PAFAH1B2: variants seen among roughly 807,000 people sequenced by gnomAD.
PAFAH1B2 encodes the protein platelet activating factor acetylhydrolase 1b catalytic subunit 2.
PAFAH1B2 carries 8 observed loss-of-function variants against 28.0 expected under a neutral mutation model. That is an observed-to-expected ratio of 0.29 (90% CI 0.17 to 0.52). The LOEUF (loss-of-function observed/expected upper bound fraction) is 0.52, where lower values mean the gene tolerates loss of function less well. PAFAH1B2 is among the 20% of genes least tolerant of loss of function. The pLI is 0.97. For synonymous variants in PAFAH1B2, 104 were observed against 103.2 expected (o/e 1.01, Z -0.05); for missense variants, 190 against 282.6 (o/e 0.67, Z 2.35).
At chr11:117,171,691 TC>T, downstream of PAFAH1B2, 1 of 1,535,592 alleles carries the variant, frequency 6.5e-7, no homozygotes, top group Non-Finnish European at 8.7e-7. Flanking sequence ...GGTTAACTGG[TC>T]GATCGGGACC....
downstream of PAFAH1B2, among the ~76,000 whole-genome samples, chr11:117,172,404 ATTTTT>A (rs375747711): frequency 0.011 from 97 of 8,554 alleles, no homozygotes; most frequent in East Asian, 0.028. Flanking sequence ...ATATATATAT[ATTTTT>A]TTTTTTTTTT....
At chr11:117,172,849 G>A (rs574530613), downstream of PAFAH1B2, among the ~76,000 whole-genome samples, 5 of 152,238 alleles carry the variant, frequency 3.3e-5, no homozygotes, top group African/African-American at 7.2e-5. Flanking sequence ...AATTACAGGC[G>A]TGTACCACCA....
At chr11:117,152,037 A>G (rs571622313) in intron 1 of PAFAH1B2, among the ~76,000 whole-genome samples, 1 of 152,300 alleles carries the variant, frequency 6.6e-6, no homozygotes, top group Non-Finnish European at 1.5e-5. Flanking sequence ...AACAGTAGTA[A>G]GTGTGTAACT....
rs1490691329 is a variant in PAFAH1B2, at chr11:117,149,440, T to TTTTTTTTTTTTTTTTTTG, written c.-7-2997_-7-2996insTTTTTTTTTTTTTGTTTT. ...AAAAGTTTTCTAATCGTTTTTTTTT[T>TTTTTTTTTTTTTTTTTTG]TTTTGAGATGGAGTCTCGCTCTGTC... is the stretch of plus-strand genomic sequence containing the variant. On this transcript the variant is annotated intron_variant, in intron 1 of 5. Coordinates refer to ENST00000527958, the MANE Select transcript of PAFAH1B2 (RefSeq NM_002572.4). Among the ~76,000 whole-genome samples, 7 of 132,132 alleles carry TTTTTTTTTTTTTTTTTTG rather than the reference T, an allele frequency of 5.3e-5. 1 individual carries two copies. The highest frequency in any genetic ancestry group is 1.7e-4 in the African/African-American group (6 of 35,478). The allele number at this position is 132,132 out of a possible 152,430, so 86.7% of individuals were successfully genotyped here. A position where few individuals can be genotyped will look rare whatever the true frequency, so the allele number is the denominator to read the frequency against.
chr11:117,153,918 TTTTTC>T (rs1956208670), intron 2 of PAFAH1B2, among the ~76,000 whole-genome samples: 1 of 151,610 alleles, frequency 6.6e-6, no homozygotes, highest in African/African-American at 2.4e-5. Context: ...TCCCAATATT[TTTTTC>T]TTTTCTTTTT....
In PAFAH1B2 at chr11:117,167,451, C is replaced by G; in HGVS notation, c.442C>G (p.Pro148Ala). ...GTTACCTCGAGGTGAGAAACCCAAT[C>G]CTTTGAGGCAAAAGAACGCCAAGGT... ...GLLPRGEKPNPLRQKNAKVNQ... is the reference protein window; with the variant it reads ...GLLPRGEKPNALRQKNAKVNQ... The change falls in exon 6 of 6, where the codon CCT becomes GCT. Residue 148 changes from proline to alanine, a missense_variant. Pro to Ala is a conservative substitution (Grantham distance 27). Coordinates refer to ENST00000527958, the MANE Select transcript of PAFAH1B2 (RefSeq NM_002572.4). 1 of 1,597,620 alleles carries G rather than the reference C, an allele frequency of 6.3e-7. No homozygotes were observed. The highest frequency in any genetic ancestry group is 8.6e-7 in the Non-Finnish European group (1 of 1,168,260).
chr11:117,162,135 AT>A (rs1172906775), intron 4 of PAFAH1B2, among the ~76,000 whole-genome samples: 2 of 152,250 alleles, frequency 1.3e-5, no homozygotes, highest in African/African-American at 4.8e-5. Context: ...ACGTGCTTTC[AT>A]TGAAAGTTGT....
rs964419650 is a variant in PAFAH1B2, at chr11:117,168,704, T to C, written c.*1005T>C. 6 of 1,059,746 alleles carry C rather than the reference T, an allele frequency of 5.7e-6. No homozygotes were observed. Among genetic ancestry groups the C allele is most frequent in the Non-Finnish European group, 6.9e-6 (6 of 875,044 alleles). The allele number at this position is 1,059,746 out of a possible 1,614,324, so 65.6% of individuals were successfully genotyped here. On this transcript the variant is annotated 3_prime_UTR_variant, in exon 6 of 6. Coordinates refer to ENST00000527958, the MANE Select transcript of PAFAH1B2 (RefSeq NM_002572.4). Reference sequence around the variant, plus strand: ...TTGGGGGTGGGGGGATTCAGAACTCTTGTTTCCCATTCCATAGCACCTGAC... The same window carrying C: ...TTGGGGGTGGGGGGATTCAGAACTCCTGTTTCCCATTCCATAGCACCTGAC...
intron 2 of PAFAH1B2, among the ~76,000 whole-genome samples, chr11:117,157,287 A>AATAAAT (rs1956274207): frequency 6.7e-6 from 1 of 148,768 alleles, no homozygotes; most frequent in East Asian, 1.9e-4. Flanking sequence ...TAAATAAATG[A>AATAAAT]ATATATATAT....
In PAFAH1B2 at chr11:117,169,740, A is replaced by G. The variant is rs1458069246; in HGVS notation, c.*2041A>G. The G allele has an allele frequency of 2.8e-6, 3 of 1,057,954 alleles. No individual in the cohort carries two copies. The highest frequency in any genetic ancestry group is 3.4e-6 in the Non-Finnish European group (3 of 874,868). The allele number at this position is 1,057,954 out of a possible 1,614,324, so 65.5% of individuals were successfully genotyped here. A position where few individuals can be genotyped will look rare whatever the true frequency, so the allele number is the denominator to read the frequency against. ...GCCCAGGTTGAGTTTTTCACAAGAG[A>G]TTTTTTTCTTAGCTGAGGTATAGTT... On this transcript the variant is annotated 3_prime_UTR_variant, in exon 6 of 6. Coordinates refer to ENST00000527958, the MANE Select transcript of PAFAH1B2 (RefSeq NM_002572.4).
At chr11:117,162,061 A>C (rs1956385651) in intron 4 of PAFAH1B2, among the ~76,000 whole-genome samples, 1 of 152,216 alleles carries the variant, frequency 6.6e-6, no homozygotes. Flanking sequence ...AAATACTCTG[A>C]GTTGGCACAC....
At chr11:117,155,612 G>T (rs1278140692) in intron 2 of PAFAH1B2, among the ~76,000 whole-genome samples, 2 of 152,170 alleles carry the variant, frequency 1.3e-5, no homozygotes, top group African/African-American at 4.8e-5. Flanking sequence ...TAGCCCTTTT[G>T]TTGAGAATTT....
At chr11:117,161,371 T>G (rs1956365931) in intron 4 of PAFAH1B2, 110 bp downstream of exon 4, 1 of 633,802 alleles carries the variant, frequency 1.6e-6, no homozygotes, top group South Asian at 2.3e-5. Flanking sequence ...ATTTCACTAT[T>G]TTTTTCGTGC....
intron 1 of PAFAH1B2, among the ~76,000 whole-genome samples, chr11:117,151,685 A>G (rs1956155243): frequency 6.6e-6 from 1 of 151,894 alleles, no homozygotes; most frequent in Non-Finnish European, 1.5e-5. Flanking sequence ...GATTATAATC[A>G]TTGCAGTAGT....
downstream of PAFAH1B2, among the ~76,000 whole-genome samples, chr11:117,178,126 T>A (rs1484683371): frequency 2.0e-5 from 3 of 152,210 alleles, no homozygotes; most frequent in Non-Finnish European, 4.4e-5. Flanking sequence ...CCAAAATATT[T>A]TGTAGAAAAG....
chr11:117,146,094 A>G (rs1438052314), intron 1 of PAFAH1B2, among the ~76,000 whole-genome samples: 1 of 147,684 alleles, frequency 6.8e-6, no homozygotes, highest in Non-Finnish European at 1.5e-5. Flanking sequence ...TTTTATTTGC[A>G]TTCTGCTTGG....
Position 117,169,332 on chromosome 11 carries a change from A to G in PAFAH1B2, c.*1633A>G. 1 of 1,048,750 alleles carries G rather than the reference A, an allele frequency of 9.5e-7. No individual in the cohort carries two copies. Among genetic ancestry groups the G allele is most frequent in the Non-Finnish European group, 1.2e-6 (1 of 868,906 alleles). The allele number at this position is 1,048,750 out of a possible 1,614,324, so 65.0% of individuals were successfully genotyped here. ...TGGGATAATAGATGATTTTATCAGT[A>G]TACCTGTGGAATATGTACAAACTGG... On this transcript the variant is annotated 3_prime_UTR_variant, in exon 6 of 6. Coordinates refer to ENST00000527958, the MANE Select transcript of PAFAH1B2 (RefSeq NM_002572.4).
chr11:117,149,371 C>T lies in PAFAH1B2; in HGVS notation c.-7-3070C>T, dbSNP rs1349694478. ...GTGCTGAGATTATAAGTGTGAGCCG[C>T]CACACCTGGCTAAAATCTAACTTTT... On this transcript the variant is annotated intron_variant, in intron 1 of 5. Coordinates refer to ENST00000527958, the MANE Select transcript of PAFAH1B2 (RefSeq NM_002572.4). Among the ~76,000 whole-genome samples, 6 of 150,536 alleles carry T rather than the reference C, an allele frequency of 4.0e-5. No individual in the cohort carries two copies. In the East Asian group the frequency reaches 1.2e-3, roughly 29 times the overall value.
intron 2 of PAFAH1B2, among the ~76,000 whole-genome samples, chr11:117,154,837 C>T (rs930432935): frequency 3.3e-5 from 5 of 152,000 alleles, no homozygotes; most frequent in Non-Finnish European, 7.4e-5. Flanking sequence ...TGGAGTGGGG[C>T]AGTAGTTGGG....
Sources: allele counts gnomAD v4.1 joint callset (sites outside exome capture counted in the v4.1 genomes callset), GRCh38; gene constraint gnomAD v4.1.1; transcripts MANE v1.5; gene names NCBI Gene and HGNC (gene_info 2026-07-23, HGNC 2026-07-21).